KIF26B: variants seen among roughly 807,000 people sequenced by gnomAD.
The protein encoded by KIF26B is kinesin family member 26B.
In KIF26B, 63 loss-of-function variants were observed where a neutral mutation model predicts 151.2. The ratio of observed to expected loss-of-function variants is 0.42; its 90% CI spans 0.34 to 0.51. The LOEUF is 0.51. Among genes scored for constraint, KIF26B ranks in the 20% least tolerant of loss-of-function variants. The pLI is 0.07. For synonymous variants in KIF26B, 1,357 were observed against 1,262.1 expected (o/e 1.08, Z -1.59); for missense variants, 2,813 against 2,913.6 (o/e 0.97, Z 0.79).
intron 2 of KIF26B, among the ~76,000 whole-genome samples, chr1:245,333,205 G>C (rs780381013): frequency 2.0e-5 from 3 of 152,182 alleles, no homozygotes; most frequent in Non-Finnish European, 4.4e-5. Flanking sequence ...GCCTGTCACC[G>C]TATAAATGGA....
At chr1:245,245,303 G>T (rs887537929) in intron 2 of KIF26B, among the ~76,000 whole-genome samples, 1 of 152,150 alleles carries the variant, frequency 6.6e-6, no homozygotes, top group African/African-American at 2.4e-5. Context: ...GCCCTCGATG[G>T]TGCAGACTGC....
intron 5 of KIF26B, among the ~76,000 whole-genome samples, chr1:245,576,141 A>G (rs555191863): frequency 1.3e-5 from 2 of 152,302 alleles, no homozygotes; most frequent in South Asian, 4.1e-4. Context: ...AGAATGAAAT[A>G]TAACAATTAA....
intron 10 of KIF26B, among the ~76,000 whole-genome samples, chr1:245,670,702 G>A (rs772448703): frequency 6.6e-6 from 1 of 152,060 alleles, no homozygotes; most frequent in Non-Finnish European, 1.5e-5. Context: ...GGAAAAGAAT[G>A]TATCTTTCAA....
intron 2 of KIF26B, among the ~76,000 whole-genome samples, chr1:245,180,319 G>GGAA: frequency 7.1e-6 from 1 of 141,026 alleles, no homozygotes; most frequent in Non-Finnish European, 1.6e-5. Flanking sequence ...AGAGAGAGGA[G>GGAA]TGGTTAAGAG....
At chr1:245,174,455 C>T (rs956241170) in intron 2 of KIF26B, among the ~76,000 whole-genome samples, 4 of 151,690 alleles carry the variant, frequency 2.6e-5, no homozygotes, top group Admixed American at 6.6e-5. Flanking sequence ...GACAGAGAGA[C>T]CAAGAAACTC....
chr1:245,405,143 A>C (rs1230191039), intron 3 of KIF26B, among the ~76,000 whole-genome samples: 1 of 152,210 alleles, frequency 6.6e-6, no homozygotes, highest in African/African-American at 2.4e-5. Flanking sequence ...GATCAGTCCT[A>C]ATTAGGATTA....
Position 245,190,052 on chromosome 1 carries a change from A to G in KIF26B, c.465+33369A>G, listed in dbSNP as rs1476518812. Among the ~76,000 whole-genome samples the G allele has an allele frequency of 4.0e-5, 6 of 148,718 alleles. No individual in the cohort carries two copies. The East Asian group carries it at 1.2e-3, about 30-fold the overall frequency. On this transcript the variant is annotated intron_variant, in intron 2 of 14. Transcript: ENST00000407071. ...CCCGGTCCCTCCCACAACACGTGGG[A>G]ATTATGGGAGCTACAATTCAAGATG...
At chr1:245,573,302 T>A (rs1197826279) in intron 5 of KIF26B, among the ~76,000 whole-genome samples, 1 of 152,122 alleles carries the variant, frequency 6.6e-6, no homozygotes, top group Non-Finnish European at 1.5e-5. Flanking sequence ...CGCGGGTGGA[T>A]CACGAGGTCA....
At chr1:245,700,078 T>TC (rs1256285179) in intron 14 of KIF26B, among the ~76,000 whole-genome samples, 19 of 152,242 alleles carry the variant, frequency 1.2e-4, no homozygotes, top group African/African-American at 4.6e-4. Context: ...CTCATTGGAT[T>TC]CTTGGGACAG....
chr1:245,481,385 C>T (rs984334244), intron 4 of KIF26B, among the ~76,000 whole-genome samples: 1 of 151,830 alleles, frequency 6.6e-6, no homozygotes, highest in South Asian at 2.1e-4. Context: ...GAACCATTCC[C>T]GTGCTCAAAT....
rs749953234 is a variant in KIF26B, at chr1:245,688,693, G to C, written c.5710G>C (p.Asp1904His). The C allele has an allele frequency of 1.1e-4, 173 of 1,606,720 alleles. No individual in the cohort carries two copies. Among genetic ancestry groups the C allele is most frequent in the East Asian group, 2.7e-4 (12 of 44,590 alleles). The change falls in exon 12 of 15, where the codon GAC becomes CAC. Residue 1904 changes from aspartate to histidine, a missense_variant. Coordinates refer to ENST00000407071, the MANE Select transcript of KIF26B (RefSeq NM_018012.4). ...CAGCGGCTACGAGAGCGTGATGCGG[G>C]ACAGCGAGGCCACCGGCAGCGCGTC... is the stretch of plus-strand genomic sequence containing the variant. ...GSSGYESVMR[D>H]SEATGSASSA... is the part of the protein sequence containing the mutation.
chr1:245,652,764 G>T (rs1415759926), intron 10 of KIF26B, among the ~76,000 whole-genome samples: 1 of 152,046 alleles, frequency 6.6e-6, no homozygotes, highest in Non-Finnish European at 1.5e-5. Flanking sequence ...CCACATTCTG[G>T]CCCCTCTCAG....
At chr1:245,678,612 C>T (rs1321050995) in intron 10 of KIF26B, among the ~76,000 whole-genome samples, 3 of 151,988 alleles carry the variant, frequency 2.0e-5, no homozygotes, top group Admixed American at 6.6e-5. Flanking sequence ...GCCTGTAATC[C>T]CAGCACTTTG....
At chr1:245,189,767 T>C (rs1396187150) in intron 2 of KIF26B, among the ~76,000 whole-genome samples, 1 of 152,224 alleles carries the variant, frequency 6.6e-6, no homozygotes, top group African/African-American at 2.4e-5. Context: ...CTGTTTTCAC[T>C]TTGCTGATAA....
intron 2 of KIF26B, among the ~76,000 whole-genome samples, chr1:245,262,501 T>C (rs1245952889): frequency 1.3e-5 from 2 of 152,148 alleles, no homozygotes; most frequent in Non-Finnish European, 2.9e-5. Flanking sequence ...TTGCTCTGGC[T>C]GGAGTGCAAT....
rs1668640128 is a variant in KIF26B at position 245,167,845 on chromosome 1, T to C, written c.465+11162T>C. On this transcript the variant is annotated intron_variant, in intron 2 of 14. Coordinates refer to ENST00000407071, the MANE Select transcript of KIF26B (RefSeq NM_018012.4). The surrounding 1 kb of genome is among the most constrained non-coding windows in gnomAD (Gnocchi z 4.2). ...GGCTGAGGGATAGATGGGAGGAGGATAGAAAGGAGAGGAATAAGAGGGGAG... is the reference window on the plus strand; with the variant it reads ...GGCTGAGGGATAGATGGGAGGAGGACAGAAAGGAGAGGAATAAGAGGGGAG... 6.6e-6 allele frequency among the ~76,000 whole-genome samples: 1 copy of C among 150,572 alleles called. No individual in the cohort carries two copies. Among genetic ancestry groups the C allele is most frequent in the Admixed American group, 6.6e-5 (1 of 15,126 alleles).
intron 7 of KIF26B, 110 bp from the exon 8 acceptor site, chr1:245,609,156 T>TC (rs1174532691): frequency 7.9e-6 from 8 of 1,019,030 alleles, no homozygotes; most frequent in Non-Finnish European, 1.1e-5. Context: ...TCTTCCCTTT[T>TC]CCCCCCTTCC....
At chr1:245,433,304 A>G (rs1425169589) in intron 4 of KIF26B, among the ~76,000 whole-genome samples, 4 of 146,192 alleles carry the variant, frequency 2.7e-5, no homozygotes, top group African/African-American at 7.5e-5. Context: ...TCTCTACTAA[A>G]AAAAAAAAAA....
chr1:245,213,669 C>T (rs1669587923), intron 2 of KIF26B, among the ~76,000 whole-genome samples: 2 of 152,186 alleles, frequency 1.3e-5, no homozygotes, highest in African/African-American at 2.4e-5. Context: ...GCGCTGGGAG[C>T]CTTTCATCAT....
Sources: gnomAD v4.1 joint callset for allele counts (sites outside exome capture counted in the v4.1 genomes callset) on GRCh38, gnomAD v4.1.1 for gene constraint, Gnocchi (gnomAD v3.1) non-coding constraint, MANE v1.5 for transcripts, NCBI Gene and HGNC (gene_info 2026-07-23, HGNC 2026-07-21) for gene names.